C8orf34: variants seen among roughly 807,000 people sequenced by gnomAD.
The protein encoded by C8orf34 is chromosome 8 open reading frame 34, also known as uncharacterized protein C8orf34.
A neutral mutation model predicts 68.3 loss-of-function variants in C8orf34; 65 were observed. The observed-to-expected ratio is 0.95, with a 90% CI of 0.78 to 1.17. The LOEUF (loss-of-function observed/expected upper bound fraction) is 1.17, where lower values mean the gene tolerates loss of function less well. C8orf34 is among the 50% of genes most tolerant of loss of function. The pLI, the probability that C8orf34 is intolerant of heterozygous loss-of-function variation, is 0.00. For synonymous variants in C8orf34, 244 were observed against 241.2 expected, an observed-to-expected ratio of 1.01 and a Z score of -0.11; for missense variants, 664 against 655.4, an observed-to-expected ratio of 1.01 and a Z score of -0.14.
intron 7 of C8orf34, among the ~76,000 whole-genome samples, chr8:68,578,136 C>T (rs549677350): frequency 6.6e-6 from 1 of 152,034 alleles, no homozygotes; most frequent in South Asian, 2.1e-4. Context: ...GGAATAGGCA[C>T]TCACTTGCCA....
intron 11 of C8orf34, among the ~76,000 whole-genome samples, chr8:68,778,860 A>G (rs942366199): frequency 6.6e-6 from 1 of 152,152 alleles, no homozygotes; most frequent in African/African-American, 2.4e-5. Flanking sequence ...TAATTTTTGT[A>G]GCAAATTTAA....
intron 10 of C8orf34, among the ~76,000 whole-genome samples, chr8:68,772,946 C>T (rs116045634): frequency 1.4e-3 from 206 of 151,452 alleles, no homozygotes; most frequent in African/African-American, 4.8e-3. Context: ...TCCTCCTTCA[C>T]ATGCTCCTGT....
chr8:68,801,870 A>T (rs979936222), intron 12 of C8orf34, among the ~76,000 whole-genome samples: 2 of 150,480 alleles, frequency 1.3e-5, no homozygotes, highest in Non-Finnish European at 2.9e-5. Context: ...CTCTGTGATT[A>T]CTGTGTTGTT....
rs78772702 is a variant in C8orf34, at chr8:68,651,244, G to A, written c.1241+10733G>A. ...GATGTGAAGGAAATGGATGATGTGA[G>A]AGGCAGGGAAAGGTGATCTTCCTAG... On this transcript the variant is annotated intron_variant, in intron 8 of 13. Coordinates refer to ENST00000518698, the MANE Select transcript of C8orf34 (RefSeq NM_052958.4). Among the ~76,000 whole-genome samples, 38 of 152,288 alleles carry A rather than the reference G, an allele frequency of 2.5e-4. No homozygotes were observed. The East Asian group carries it at 7.2e-3, about 29-fold the overall frequency.
At chr8:68,644,297 T>C (rs1819101660) in intron 8 of C8orf34, among the ~76,000 whole-genome samples, 1 of 152,048 alleles carries the variant, frequency 6.6e-6, no homozygotes, top group Non-Finnish European at 1.5e-5. Context: ...GAAAGAAGAA[T>C]GGGTCTTTAG....
intron 1 of C8orf34, among the ~76,000 whole-genome samples, chr8:68,373,779 A>G (rs1307144754): frequency 6.6e-6 from 1 of 152,240 alleles, no homozygotes; most frequent in African/African-American, 2.4e-5. Context: ...GGTACATCAC[A>G]TACTAAGACT....
At chr8:68,356,176 T>C (rs1049937260) in intron 1 of C8orf34, among the ~76,000 whole-genome samples, 2 of 152,180 alleles carry the variant, frequency 1.3e-5, no homozygotes, top group Non-Finnish European at 1.5e-5. Flanking sequence ...AAATCTGAAA[T>C]GTATGGTTTA....
At chr8:68,406,885 G>A (rs1809220925) in intron 1 of C8orf34, among the ~76,000 whole-genome samples, 2 of 152,132 alleles carry the variant, frequency 1.3e-5, no homozygotes, top group South Asian at 4.1e-4. Flanking sequence ...TGAAGCACAG[G>A]TGATGCTGTG....
chr8:68,655,101 T>A (rs1173327534), intron 8 of C8orf34, among the ~76,000 whole-genome samples: 2 of 152,130 alleles, frequency 1.3e-5, no homozygotes, highest in Non-Finnish European at 2.9e-5. Flanking sequence ...GCAATACATG[T>A]CATTCAAAAC....
chr8:68,394,258 T>G (rs1230014349), intron 1 of C8orf34, among the ~76,000 whole-genome samples: 4 of 114,574 alleles, frequency 3.5e-5, no homozygotes, highest in Non-Finnish European at 6.7e-5. Flanking sequence ...CCCACAACAG[T>G]CCCCAGAGTG....
At chr8:68,522,474 A>G (rs1814798199) in intron 6 of C8orf34, among the ~76,000 whole-genome samples, 1 of 152,198 alleles carries the variant, frequency 6.6e-6, no homozygotes, top group African/African-American at 2.4e-5. Context: ...GAATATATTT[A>G]TTAACATATA....
At chr8:68,679,670 C>A (rs7815405) in intron 8 of C8orf34, among the ~76,000 whole-genome samples, 1 of 152,218 alleles carries the variant, frequency 6.6e-6, no homozygotes, top group African/African-American at 2.4e-5. Flanking sequence ...TATTACCTAA[C>A]TCCAAATTAT....
At chr8:68,518,235 C>G (rs1468152314) in intron 5 of C8orf34, among the ~76,000 whole-genome samples, 1 of 152,164 alleles carries the variant, frequency 6.6e-6, no homozygotes, top group African/African-American at 2.4e-5. Context: ...TTGGTCATGT[C>G]CCTTGGTGAG....
intron 7 of C8orf34, among the ~76,000 whole-genome samples, chr8:68,587,403 G>T (rs146370287): frequency 0.016 from 2,493 of 152,136 alleles, 62 homozygotes; most frequent in African/African-American, 0.057. Flanking sequence ...GTTATGTTAT[G>T]AGTTTATAGA....
intron 8 of C8orf34, among the ~76,000 whole-genome samples, chr8:68,649,725 A>C (rs1819286921): frequency 6.6e-6 from 1 of 152,178 alleles, no homozygotes; most frequent in Non-Finnish European, 1.5e-5. Context: ...TTTTATGCAT[A>C]TGTGTGCACA....
Position 68,784,792 on chromosome 8 carries a change from A to ATGTGTGTGTATGTG in C8orf34, c.1456-2641_1456-2628dup, listed in dbSNP as rs1480987718. 5.4e-4 allele frequency among the ~76,000 whole-genome samples: 80 copies of ATGTGTGTGTATGTG among 147,934 alleles called. 1 individual carries two copies. Among genetic ancestry groups the ATGTGTGTGTATGTG allele is most frequent in the Middle Eastern group, 3.5e-3 (1 of 286 alleles). On this transcript the variant is annotated intron_variant, in intron 11 of 13. Transcript: ENST00000518698. ...TTTTGACATACTTCCATCATTGTGT[A>ATGTGTGTGTATGTG]TGTGTGTGTATGTGTGTGTGTGTGT...
chr8:68,598,972 G>A (rs925061635), intron 7 of C8orf34, among the ~76,000 whole-genome samples: 2 of 151,630 alleles, frequency 1.3e-5, no homozygotes, highest in Admixed American at 1.3e-4. Flanking sequence ...GAAACCAGAG[G>A]TAAAAGAGAA....
At chr8:68,764,368 C>A (rs1258653841) in intron 10 of C8orf34, among the ~76,000 whole-genome samples, 2 of 152,198 alleles carry the variant, frequency 1.3e-5, no homozygotes, top group African/African-American at 4.8e-5. Flanking sequence ...TGTTTGACCT[C>A]TTGGCCCAGG....
intron 1 of C8orf34, among the ~76,000 whole-genome samples, chr8:68,420,799 T>C (rs1320455521): frequency 6.6e-6 from 1 of 151,332 alleles, no homozygotes; most frequent in Non-Finnish European, 1.5e-5. Flanking sequence ...TAAACATAGC[T>C]GAAGACAAAA....
Sources: allele counts gnomAD v4.1 joint callset (sites outside exome capture counted in the v4.1 genomes callset), GRCh38; gene constraint gnomAD v4.1.1; transcripts MANE v1.5; gene names NCBI Gene and HGNC (gene_info 2026-07-23, HGNC 2026-07-21).